Variants in SHROOM4 observed in about 807,000 individuals in gnomAD.
SHROOM4 encodes protein Shroom4.
SHROOM4 carries 17 observed loss-of-function variants against 80.3 expected under a neutral mutation model. The observed-to-expected ratio is 0.21, with a 90% CI of 0.14 to 0.32. The LOEUF is 0.32. Among genes scored for constraint, SHROOM4 ranks in the 10% least tolerant of loss-of-function variants. SHROOM4 has a pLI of 1.00. For synonymous variants in SHROOM4, 400 were observed against 437.5 expected, an observed-to-expected ratio of 0.91 and a Z score of 1.07; for missense variants, 993 against 1,140.3, an observed-to-expected ratio of 0.87 and a Z score of 1.86.
chrX:50,686,059 G>C (rs1933063243), intron 2 of SHROOM4, among the ~76,000 whole-genome samples: 1 of 110,847 alleles, frequency 9.0e-6, no homozygotes, highest in African/African-American at 3.3e-5. Context: ...ACAGAGTCTG[G>C]CTCTGTCTTC....
At chrX:50,635,972 T>C (rs1931340094) in intron 3 of SHROOM4, among the ~76,000 whole-genome samples, 1 of 111,397 alleles carries the variant, frequency 9.0e-6, no homozygotes, top group East Asian at 2.8e-4. Flanking sequence ...AAATTGCTTC[T>C]AGGCTGTCCC....
intron 2 of SHROOM4, among the ~76,000 whole-genome samples, chrX:50,649,908 A>G (rs1381536967): frequency 1.8e-5 from 2 of 112,510 alleles, no homozygotes; most frequent in African/African-American, 3.2e-5. Flanking sequence ...AAGCCATTAA[A>G]GATGTACACA....
intron 2 of SHROOM4, among the ~76,000 whole-genome samples, chrX:50,668,696 A>G (rs782322791): frequency 8.9e-6 from 1 of 112,468 alleles, no homozygotes; most frequent in African/African-American, 3.2e-5. Flanking sequence ...AAATGCTTCA[A>G]TGAGTAATGA....
At chrX:50,734,538 C>T (rs1350378968) in intron 1 of SHROOM4, among the ~76,000 whole-genome samples, 2 of 111,086 alleles carry the variant, frequency 1.8e-5, no homozygotes, top group African/African-American at 3.3e-5. Flanking sequence ...CTCAGCCTCC[C>T]GAGTAGCTGG....
chrX:50,813,802 G>T, intron 1 of SHROOM4, 100 bp downstream of exon 1: 1 of 622,051 alleles, frequency 1.6e-6, no homozygotes, highest in Non-Finnish European at 2.6e-6. Context: ...CCAGCCCTAA[G>T]TTTCAAAGTT....
chrX:50,766,686 T>A (rs1430024479), intron 1 of SHROOM4, among the ~76,000 whole-genome samples: 2 of 110,683 alleles, frequency 1.8e-5, no homozygotes, highest in African/African-American at 6.6e-5. Context: ...TATTGAAAAA[T>A]GAAAGAAACA....
At chrX:50,729,305 TAGAGAATAGAAAA>T (rs782232428) in intron 1 of SHROOM4, among the ~76,000 whole-genome samples, 2 of 111,028 alleles carry the variant, frequency 1.8e-5, no homozygotes, top group Admixed American at 1.9e-4. Flanking sequence ...ATTCATCAAA[TAGAGAATAGAAAA>T]AGAGACAGAA....
At chrX:50,620,724 C>A (rs1930538547) in intron 5 of SHROOM4, among the ~76,000 whole-genome samples, 1 of 111,324 alleles carries the variant, frequency 9.0e-6, no homozygotes, top group African/African-American at 3.3e-5. Context: ...ATTATGATGC[C>A]TTGAAGTTGC....
chrX:50,713,353 A>G (rs782099852), intron 1 of SHROOM4, among the ~76,000 whole-genome samples: 4 of 111,898 alleles, frequency 3.6e-5, no homozygotes, highest in African/African-American at 6.5e-5. Flanking sequence ...GATTCGGGGC[A>G]GGCACAGTAG....
intron 1 of SHROOM4, among the ~76,000 whole-genome samples, chrX:50,774,081 C>T (rs1935454237): frequency 8.9e-6 from 1 of 111,886 alleles, no homozygotes; most frequent in Non-Finnish European, 1.9e-5. Context: ...ACAAAATAAG[C>T]CACTTTTGCG....
In SHROOM4 at chrX:50,589,574, T is replaced by C. The variant is rs955669709; in HGVS notation, c.*7121A>G. Among the ~76,000 whole-genome samples the C allele has an allele frequency of 1.3e-4, 14 of 111,814 alleles. No homozygotes were observed. The highest frequency in any genetic ancestry group is 4.6e-4 in the African/African-American group (14 of 30,745). ...ATTGGCTCCTTTCACTTAGCATATT[T>C]TCAAGGTTCATCAATGTTACATGTA... On this transcript the variant is annotated 3_prime_UTR_variant, in exon 9 of 9. Coordinates refer to ENST00000376020, the MANE Select transcript of SHROOM4 (RefSeq NM_020717.5).
chrX:50,784,356 T>G, intron 1 of SHROOM4, among the ~76,000 whole-genome samples: 1 of 111,486 alleles, frequency 9.0e-6, no homozygotes. Context: ...AGAGATGGGG[T>G]CTTGCTATGT....
intron 1 of SHROOM4, among the ~76,000 whole-genome samples, chrX:50,713,448 T>C (rs979350235): frequency 1.8e-5 from 2 of 109,214 alleles, no homozygotes; most frequent in African/African-American, 6.8e-5. Context: ...CTGGGCAACA[T>C]AGGGAGGCCC....
Position 50,635,434 on chromosome X carries a change from A to G in SHROOM4, c.639T>C (p.Ser213=). Residue 213 remains serine, a synonymous_variant, in exon 4 of 9, where the codon TCT becomes TCC. Coordinates refer to ENST00000376020, the MANE Select transcript of SHROOM4 (RefSeq NM_020717.5). The part of the protein sequence containing the change: ...ALSLRPEEPA[S]TDCIMQGPGP... Reference sequence around the variant, plus strand: ...CTGGGCCTTGCATGATGCAGTCTGTAGAGGCTGGCTCCTCTGGCCTGAGGG... The same window carrying G: ...CTGGGCCTTGCATGATGCAGTCTGTGGAGGCTGGCTCCTCTGGCCTGAGGG... The G allele has an allele frequency of 8.3e-7, 1 of 1,207,197 alleles. No individual in the cohort carries two copies. The highest frequency in any genetic ancestry group is 3.0e-5 in the East Asian group (1 of 33,736).
intron 2 of SHROOM4, among the ~76,000 whole-genome samples, chrX:50,673,105 T>C (rs1277294967): frequency 4.5e-5 from 5 of 111,606 alleles, no homozygotes; most frequent in African/African-American, 1.3e-4. Flanking sequence ...AAAGAAGAAA[T>C]GACATAGAAA....
intron 1 of SHROOM4, among the ~76,000 whole-genome samples, chrX:50,736,044 A>G (rs1198828585): frequency 9.1e-6 from 1 of 109,713 alleles, no homozygotes; most frequent in Non-Finnish European, 1.9e-5. Flanking sequence ...TGGTTGACAT[A>G]ATTAGCCATC....
intron 1 of SHROOM4, among the ~76,000 whole-genome samples, chrX:50,757,824 A>G (rs1248693382): frequency 1.3e-4 from 14 of 105,465 alleles, no homozygotes; most frequent in African/African-American, 4.4e-4. Context: ...CTCCATCTCA[A>G]AAAAAAAAAA....
chrX:50,721,823 A>G (rs1490355722), intron 1 of SHROOM4, among the ~76,000 whole-genome samples: 2 of 111,393 alleles, frequency 1.8e-5, no homozygotes, highest in African/African-American at 6.5e-5. Context: ...TAGCCCTTAA[A>G]TACTGTATGT....
chrX:50,641,141 G>A (rs1931582162), intron 2 of SHROOM4, among the ~76,000 whole-genome samples: 1 of 111,708 alleles, frequency 9.0e-6, no homozygotes, highest in African/African-American at 3.3e-5. Flanking sequence ...CTTGTTCAGG[G>A]TAATCTAGCC....
Sources: allele counts gnomAD v4.1 joint callset (sites outside exome capture counted in the v4.1 genomes callset), GRCh38; gene constraint gnomAD v4.1.1; transcripts MANE v1.5; gene names NCBI Gene and HGNC (gene_info 2026-07-23, HGNC 2026-07-21).